Variants in ZNF430 observed in about 807,000 individuals in gnomAD.
ZNF430 encodes zinc finger protein 430.
A neutral mutation model predicts 56.7 loss-of-function variants in ZNF430; 35 were observed. The ratio of observed to expected loss-of-function variants is 0.62; its 90% CI spans 0.47 to 0.82. ZNF430 has a LOEUF of 0.82. Among genes scored for constraint, ZNF430 ranks in the 40% least tolerant of loss-of-function variants. The pLI is 0.00. For synonymous variants in ZNF430, 212 were observed against 224.3 expected, an observed-to-expected ratio of 0.94 and a Z score of 0.49; for missense variants, 574 against 661.0, an observed-to-expected ratio of 0.87 and a Z score of 1.44.
At position 21,058,127 on chromosome 19, in the gene ZNF430, C is replaced by A; in HGVS notation, c.*106C>A. 9.5e-7 allele frequency: 1 copy of A among 1,056,284 alleles called. No homozygotes were observed. Among genetic ancestry groups the A allele is most frequent in the Non-Finnish European group, 1.4e-6 (1 of 739,944 alleles). The allele number at this position is 1,056,284 out of a possible 1,614,324, so 65.4% of individuals were successfully genotyped here. On this transcript the variant is annotated 3_prime_UTR_variant, in exon 5 of 5. Transcript: ENST00000261560. ...GTGAAGAATATGGCAAAGCCTTCAA[C>A]AAGTCCTCAATTCTTACCAGACATA... is the stretch of plus-strand genomic sequence containing the variant.
In ZNF430 at chr19:21,057,093, A is replaced by G. The variant is rs530596746; in HGVS notation, c.785A>G (p.Lys262Arg). Residue 262 changes from lysine to arginine, a missense_variant, in exon 5 of 5, where the codon AAA becomes AGA. Transcript: ENST00000261560. ...RRIHTGEKPY[K>R]CEQCGKAFKQ... is the part of the protein sequence containing the mutation. ...ATTCATACTGGAGAGAAACCCTACA[A>G]ATGTGAACAATGTGGCAAAGCTTTT... The G allele has an allele frequency of 1.4e-5, 23 of 1,613,950 alleles. 1 individual carries two copies. The South Asian group carries it at 2.4e-4, about 17-fold the overall frequency.
intron 2 of ZNF430, among the ~76,000 whole-genome samples, chr19:21,024,133 G>A (rs1447727672): frequency 1.3e-5 from 2 of 151,922 alleles, no homozygotes; most frequent in East Asian, 3.9e-4. Flanking sequence ...GGCCCAGTTA[G>A]TTTTTTTTCT....
At chr19:21,032,873 G>A (rs563664638) in intron 2 of ZNF430, among the ~76,000 whole-genome samples, 2 of 152,142 alleles carry the variant, frequency 1.3e-5, no homozygotes, top group African/African-American at 4.8e-5. Flanking sequence ...TGTCTTTTTT[G>A]TCTGAAAAAT....
Position 21,022,813 on chromosome 19 carries a change from C to T in ZNF430, c.28C>T (p.Pro10Ser). The change falls in exon 2 of 5, where the codon CCT becomes TCT. Residue 10 changes from proline to serine, a missense_variant. This residue lies in a region of ZNF430 where 346 missense variants were observed against 399.1 expected (regional missense o/e 0.87). Transcript: ENST00000261560. ...GGAGAACCTGAAGTCTGGAGTGTAT[C>T]CTCTCAAGGAAGCAAGTGGATGCCC... MENLKSGVYPLKEASGCPGA... is the reference protein window; with the variant it reads MENLKSGVYSLKEASGCPGA... 6.2e-7 allele frequency: 1 copy of T among 1,613,598 alleles called. No homozygotes were observed. The highest frequency in any genetic ancestry group is 1.3e-5 in the African/African-American group (1 of 74,952).
intron 4 of ZNF430, among the ~76,000 whole-genome samples, chr19:21,053,126 C>G (rs1968312088): frequency 6.6e-6 from 1 of 151,996 alleles, no homozygotes; most frequent in South Asian, 2.1e-4. Flanking sequence ...AGTGGCTGCA[C>G]TTAGCTGATA....
Position 21,034,187 on chromosome 19 carries a change from A to C in ZNF430, c.322+3A>C. ...TGCGATGGTAGATCAACCCCCAGGTAGGTGAGAGTGAACACAACAGACGAC... is the reference window on the plus strand; with the variant it reads ...TGCGATGGTAGATCAACCCCCAGGTCGGTGAGAGTGAACACAACAGACGAC... On this transcript the variant is annotated splice_donor_region_variant and intron_variant, in intron 4 of 4. Transcript: ENST00000261560. 6.3e-7 allele frequency: 1 copy of C among 1,586,836 alleles called. No individual in the cohort carries two copies. Among genetic ancestry groups the C allele is most frequent in the Non-Finnish European group, 8.6e-7 (1 of 1,163,274 alleles).
chr19:21,041,071 GCGT>G (rs1968093880), intron 4 of ZNF430, among the ~76,000 whole-genome samples: 1 of 152,144 alleles, frequency 6.6e-6, no homozygotes, highest in African/African-American at 2.4e-5. Context: ...GTTATAGACA[GCGT>G]ATTGTATGCT....
chr19:21,032,877 G>A (rs905306645), intron 2 of ZNF430, among the ~76,000 whole-genome samples: 22 of 152,108 alleles, frequency 1.4e-4, no homozygotes, highest in Non-Finnish European at 2.9e-5. Context: ...TTTTTTGTCT[G>A]AAAAATATAC....
rs138108583 is a variant in ZNF430 at position 21,027,350 on chromosome 19, A to C, written c.96+4469A>C. ...GCCTAGTTTGTTAAGGGTTTTAAAC[A>C]TGAAAAATGTTAAATTATATTGAAA... On this transcript the variant is annotated intron_variant, in intron 2 of 4. Coordinates refer to ENST00000261560, the MANE Select transcript of ZNF430 (RefSeq NM_025189.4). 8.8e-3 allele frequency among the ~76,000 whole-genome samples: 1,341 copies of C among 152,294 alleles called. 6 individuals carry two copies. The highest frequency in any genetic ancestry group is 0.012 in the Non-Finnish European group (824 of 68,028).
chr19:21,031,967 GCTT>G (rs1025811700), intron 2 of ZNF430, among the ~76,000 whole-genome samples: 6 of 151,976 alleles, frequency 3.9e-5, no homozygotes, highest in African/African-American at 1.5e-4. Flanking sequence ...CTACATCATG[GCTT>G]CTTATATGCC....
At chr19:21,054,752 A>G (rs1305533486) in intron 4 of ZNF430, among the ~76,000 whole-genome samples, 1 of 134,968 alleles carries the variant, frequency 7.4e-6, no homozygotes, top group East Asian at 2.1e-4. Context: ...TCCGCTCACT[A>G]TAAGCTCCGC....
chr19:21,044,314 A>C (rs1297848127), intron 4 of ZNF430, among the ~76,000 whole-genome samples: 4 of 152,006 alleles, frequency 2.6e-5, no homozygotes, highest in African/African-American at 9.7e-5. Flanking sequence ...TTAATCAAAG[A>C]CCTTTTCTGC....
chr19:21,043,042 C>CA (rs1968133686), intron 4 of ZNF430, among the ~76,000 whole-genome samples: 1 of 55,884 alleles, frequency 1.8e-5, no homozygotes, highest in African/African-American at 7.9e-5. Context: ...GAATAGGTTG[C>CA]AAAAATGTTC....
rs1968359997 is a variant in ZNF430, at chr19:21,055,524, C to CTGCA, written c.323-1106_323-1103dup. On this transcript the variant is annotated intron_variant, in intron 4 of 4. Transcript: ENST00000261560. ...AGTGCAGTGGCGCAATCTCGGCTCA[C>CTGCA]TGCACCCTCCGCCACCTGGGTTCAA... Among the ~76,000 whole-genome samples the CTGCA allele has an allele frequency of 2.0e-5, 3 of 152,110 alleles. No individual in the cohort carries two copies. In the South Asian group the frequency reaches 6.2e-4, roughly 32 times the overall value.
At chr19:21,055,941 C>T (rs1476941975) in intron 4 of ZNF430, among the ~76,000 whole-genome samples, 1 of 151,948 alleles carries the variant, frequency 6.6e-6, no homozygotes, top group Non-Finnish European at 1.5e-5. Context: ...AGATAGGTCC[C>T]TAGAAGCAAG....
At chr19:21,024,978 T>A (rs1202217008) in intron 2 of ZNF430, among the ~76,000 whole-genome samples, 1 of 152,096 alleles carries the variant, frequency 6.6e-6, no homozygotes, top group Non-Finnish European at 1.5e-5. Flanking sequence ...GAAGACAAAT[T>A]CAGCTGATTT....
chr19:21,037,957 A>C (rs73014852), intron 4 of ZNF430, among the ~76,000 whole-genome samples: 10,781 of 151,604 alleles, frequency 0.071, 467 homozygotes, highest in Non-Finnish European at 0.086. Context: ...TATATTCTGA[A>C]TATTAACTGT....
At chr19:21,024,987 T>C (rs931464560) in intron 2 of ZNF430, among the ~76,000 whole-genome samples, 11 of 152,144 alleles carry the variant, frequency 7.2e-5, no homozygotes, top group African/African-American at 2.7e-4. Flanking sequence ...TTCAGCTGAT[T>C]TTTTTAAATG....
At chr19:21,051,748 C>T (rs932573487) in intron 4 of ZNF430, among the ~76,000 whole-genome samples, 9 of 152,206 alleles carry the variant, frequency 5.9e-5, no homozygotes, top group Non-Finnish European at 1.3e-4. Context: ...CTTGGCCCCC[C>T]AAAGTGCTGG....
Sources: allele counts gnomAD v4.1 joint callset (sites outside exome capture counted in the v4.1 genomes callset), GRCh38; gene constraint gnomAD v4.1.1; regional missense constraint gnomAD v4.1.1; transcripts MANE v1.5; gene names NCBI Gene and HGNC (gene_info 2026-07-23, HGNC 2026-07-21).